Variants in RBMS3 observed in about 807,000 individuals in gnomAD.
RBMS3 encodes the protein RNA binding motif single stranded interacting protein 3.
A neutral mutation model predicts 66.8 loss-of-function variants in RBMS3; 27 were observed. The ratio of observed to expected loss-of-function variants is 0.40; its 90% CI spans 0.30 to 0.56. The LOEUF is 0.56. Among genes scored for constraint, RBMS3 ranks in the 20% least tolerant of loss-of-function variants. RBMS3 has a pLI of 0.40. For synonymous variants in RBMS3, 188 were observed against 183.0 expected (o/e 1.03, Z -0.22); for missense variants, 513 against 549.5 (o/e 0.93, Z 0.66).
At chr3:29,355,509 A>G (rs2037169334) in intron 1 of RBMS3, among the ~76,000 whole-genome samples, 1 of 151,716 alleles carries the variant, frequency 6.6e-6, no homozygotes, top group Non-Finnish European at 1.5e-5. Flanking sequence ...CACATTACCT[A>G]TTTTTTAACC....
At chr3:29,577,259 C>T (rs540979578) in intron 3 of RBMS3, among the ~76,000 whole-genome samples, 10 of 152,318 alleles carry the variant, frequency 6.6e-5, no homozygotes, top group South Asian at 2.1e-4. Flanking sequence ...TATTCTACCA[C>T]GGCTGAGCTG....
chr3:29,639,621 G>A, intron 4 of RBMS3, among the ~76,000 whole-genome samples: 1 of 151,166 alleles, frequency 6.6e-6, no homozygotes, highest in South Asian at 2.1e-4. Flanking sequence ...GAGAGAGAGA[G>A]AGAATGATCA....
chr3:29,825,629 T>G (rs888436567), intron 6 of RBMS3, among the ~76,000 whole-genome samples: 6 of 152,178 alleles, frequency 3.9e-5, no homozygotes, highest in African/African-American at 1.4e-4. Context: ...CCATCTGCCA[T>G]GCTTGTGAGA....
intron 12 of RBMS3, among the ~76,000 whole-genome samples, chr3:29,948,421 T>G (rs921429227): frequency 2.6e-5 from 4 of 151,824 alleles, no homozygotes; most frequent in Admixed American, 1.3e-4. Flanking sequence ...AGAATTGCTG[T>G]GTGAAACTAT....
intron 4 of RBMS3, among the ~76,000 whole-genome samples, chr3:29,722,037 T>G (rs114801391): frequency 0.028 from 4,231 of 152,296 alleles, 81 homozygotes; most frequent in Admixed American, 0.062. Context: ...ATTTCGTGTT[T>G]GGTATTCTTT....
intron 2 of RBMS3, among the ~76,000 whole-genome samples, chr3:29,464,201 A>T (rs1419743000): frequency 1.3e-5 from 2 of 152,186 alleles, no homozygotes; most frequent in Non-Finnish European, 2.9e-5. Flanking sequence ...GAAGATTAGA[A>T]AAACCATGCG....
intron 6 of RBMS3, among the ~76,000 whole-genome samples, chr3:29,804,920 CGTGTGTGTGT>C (rs10576635): frequency 0.09 from 13,211 of 146,360 alleles, 612 homozygotes; most frequent in Non-Finnish European, 0.1. Flanking sequence ...TCTGCGTGTA[CGTGTGTGTGT>C]GTGTGTGTGT....
chr3:29,735,816 C>T (rs925060113), intron 4 of RBMS3, among the ~76,000 whole-genome samples: 1 of 152,188 alleles, frequency 6.6e-6, no homozygotes, highest in African/African-American at 2.4e-5. Context: ...GCCTGTTCCT[C>T]TAGCTGAGTG....
intron 1 of RBMS3, among the ~76,000 whole-genome samples, chr3:29,374,379 AT>A (rs1031366649): frequency 1.3e-5 from 2 of 152,210 alleles, no homozygotes; most frequent in African/African-American, 4.8e-5. Context: ...AACAGAGCCA[AT>A]ATTAAAAGTT....
chr3:29,917,094 A>T (rs570966267), intron 10 of RBMS3, among the ~76,000 whole-genome samples: 1 of 152,174 alleles, frequency 6.6e-6, no homozygotes, highest in African/African-American at 2.4e-5. Flanking sequence ...GGTGTCTGCT[A>T]TGTGCCAGGC....
At chr3:29,798,308 AGGGAGGGGAAGGGAAGGGAGGGGAG>A (rs2057274213) in intron 6 of RBMS3, among the ~76,000 whole-genome samples, 5 of 80,028 alleles carry the variant, frequency 6.2e-5, no homozygotes, top group African/African-American at 2.7e-4. Flanking sequence ...AGGGAGGGGA[AGGGAGGGGAAGGGAAGGGAGGGGAG>A]GGGAGGGGAG....
At chr3:29,488,154 T>A (rs2043391369) in intron 2 of RBMS3, among the ~76,000 whole-genome samples, 1 of 152,120 alleles carries the variant, frequency 6.6e-6, no homozygotes, top group Non-Finnish European at 1.5e-5. Context: ...ATCCACAGAG[T>A]GCGATTTACT....
chr3:29,424,282 A>G (rs554679739), intron 1 of RBMS3, among the ~76,000 whole-genome samples: 2 of 152,304 alleles, frequency 1.3e-5, no homozygotes, highest in Non-Finnish European at 2.9e-5. Flanking sequence ...GCTTCAGACA[A>G]TCTCAATTAT....
At chr3:29,839,600 A>G (rs562904103) in intron 6 of RBMS3, among the ~76,000 whole-genome samples, 1 of 151,748 alleles carries the variant, frequency 6.6e-6, no homozygotes, top group East Asian at 1.9e-4. Context: ...TAATAATAAA[A>G]TAATAATTAG....
intron 1 of RBMS3, among the ~76,000 whole-genome samples, chr3:29,299,208 A>G (rs368943458): frequency 6.6e-6 from 1 of 151,974 alleles, no homozygotes. Flanking sequence ...TGCTAGAATA[A>G]AAGTAGAAAC....
At chr3:29,295,334 C>T (rs868756651) in intron 1 of RBMS3, among the ~76,000 whole-genome samples, 6,917 of 140,844 alleles carry the variant, frequency 0.049, 250 homozygotes, top group South Asian at 0.073. Context: ...TATACACACA[C>T]ATATATATAT....
At chr3:29,553,111 C>T (rs1224627531) in intron 3 of RBMS3, among the ~76,000 whole-genome samples, 1 of 152,062 alleles carries the variant, frequency 6.6e-6, no homozygotes, top group South Asian at 2.1e-4. Context: ...TGTGTCTTGC[C>T]CATAAGTTCT....
chr3:29,556,534 C>A (rs35882), intron 3 of RBMS3: 81,809 of 151,948 alleles, frequency 0.54, 22,667 homozygotes, highest in Middle Eastern at 0.66. Context: ...ACCCGGGAGG[C>A]GGAGGTTGCA....
At chr3:29,438,181 C>A (rs1345886044) in intron 2 of RBMS3, among the ~76,000 whole-genome samples, 1 of 152,106 alleles carries the variant, frequency 6.6e-6, no homozygotes, top group Non-Finnish European at 1.5e-5. Context: ...ACTCACACAA[C>A]AGATAATTTT....
Sources: allele counts gnomAD v4.1 joint callset (sites outside exome capture counted in the v4.1 genomes callset), GRCh38; gene constraint gnomAD v4.1.1; transcripts MANE v1.5; gene names NCBI Gene and HGNC (gene_info 2026-07-23, HGNC 2026-07-21).